The following SCUBE2 variants were observed in gnomAD, a reference collection of about 807,000 sequenced individuals.
SCUBE2 encodes the protein signal peptide, CUB and EGF-like domain-containing protein 2.
In SCUBE2, 114 loss-of-function variants were observed where a neutral mutation model predicts 125.9. That is an observed-to-expected ratio of 0.91 (90% CI 0.78 to 1.06). The LOEUF (loss-of-function observed/expected upper bound fraction) is 1.06, where lower values mean the gene tolerates loss of function less well. SCUBE2 is among the 50% of genes least tolerant of loss of function. The pLI is 0.00. For synonymous variants in SCUBE2, 459 were observed against 492.9 expected (o/e 0.93, Z 0.91); for missense variants, 1,255 against 1,301.8 (o/e 0.96, Z 0.55).
intron 3 of SCUBE2, among the ~76,000 whole-genome samples, chr11:9,075,968 T>G (rs1861184144): frequency 6.6e-6 from 1 of 152,174 alleles, no homozygotes; most frequent in Admixed American, 6.5e-5. Flanking sequence ...GAGATATGGT[T>G]GCCCCTGACC....
At chr11:9,053,885 G>A (rs1858702471) in intron 10 of SCUBE2, 126 bp from the exon 11 acceptor site, 1 of 1,205,916 alleles carries the variant, frequency 8.3e-7, no homozygotes, top group Non-Finnish European at 1.2e-6. Flanking sequence ...GGAAGACACT[G>A]AATGCCTTTA....
chr11:9,052,913 C>A, intron 12 of SCUBE2, 81 bp from the exon 13 acceptor site: 2 of 1,189,906 alleles, frequency 1.7e-6, no homozygotes, highest in Non-Finnish European at 2.4e-6. Context: ...TCCCCCCACC[C>A]CACTCCACAT....
chr11:9,090,388 C>A (rs1473693128), intron 1 of SCUBE2: 1 of 153,796 alleles, frequency 6.5e-6, no homozygotes, highest in Non-Finnish European at 1.5e-5. Flanking sequence ...CCAACACAGC[C>A]CGTGGGCTAC....
chr11:9,046,076 G>A (rs913872690), intron 16 of SCUBE2, among the ~76,000 whole-genome samples: 9 of 146,756 alleles, frequency 6.1e-5, no homozygotes, highest in South Asian at 2.1e-4. Context: ...GCACGATCTC[G>A]GCTCACTGCA....
At chr11:9,025,644 G>A (rs988580159) in intron 21 of SCUBE2, 58 bp downstream of exon 21, 7 of 1,572,506 alleles carry the variant, frequency 4.5e-6, no homozygotes, top group African/African-American at 4.1e-5. Context: ...AGCTGGCTCC[G>A]AAGTTGGCTC....
intron 16 of SCUBE2, among the ~76,000 whole-genome samples, chr11:9,039,588 C>T (rs764025241): frequency 4.6e-5 from 7 of 152,130 alleles, no homozygotes; most frequent in African/African-American, 7.2e-5. Flanking sequence ...TACTACACCT[C>T]GGGGGTTGAC....
At chr11:9,061,674 C>T (rs928146275) in intron 7 of SCUBE2, among the ~76,000 whole-genome samples, 10 of 151,486 alleles carry the variant, frequency 6.6e-5, no homozygotes, top group African/African-American at 1.9e-4. Context: ...CAAAACCTCA[C>T]GAATATGAGA....
In SCUBE2 at chr11:9,079,437, C is replaced by A. The variant is rs751243340; in HGVS notation, c.329G>T (p.Arg110Leu). 3 of 1,613,956 alleles carry A rather than the reference C, an allele frequency of 1.9e-6. No homozygotes were observed. Among genetic ancestry groups the A allele is most frequent in the Non-Finnish European group, 2.5e-6 (3 of 1,180,012 alleles). ...HDCLNIPGNY[R>L]CTCFDGFMLA... The stretch of plus-strand genomic sequence containing the variant: ...CATGAAGCCATCAAAACAAGTGCAA[C>A]GATAATTGCCTGGAATATTCAAACA... The change falls in exon 3 of 23, where the codon CGT (arginine) becomes CTT (leucine). Residue 110 changes from arginine (R) to leucine (L), a missense_variant. Arg to Leu is a moderately radical substitution (Grantham distance 102). Around this residue, in one of 3 missense-constraint regions of SCUBE2, gnomAD observed 362 missense variants for 323.0 expected, o/e 1.12. Transcript: ENST00000649792.
intron 2 of SCUBE2, among the ~76,000 whole-genome samples, chr11:9,082,555 C>G (rs1005935890): frequency 6.6e-6 from 1 of 151,570 alleles, no homozygotes; most frequent in African/African-American, 2.4e-5. Context: ...TATAATAGCC[C>G]CAAAGTAGAA....
At chr11:9,049,683 A>G (rs1184868273) in intron 14 of SCUBE2, among the ~76,000 whole-genome samples, 1 of 152,182 alleles carries the variant, frequency 6.6e-6, no homozygotes, top group Admixed American at 6.5e-5. Flanking sequence ...ACCACTACTA[A>G]TGATAGGGTG....
intron 16 of SCUBE2, among the ~76,000 whole-genome samples, chr11:9,043,705 A>G (rs1260834876): frequency 6.6e-6 from 1 of 152,222 alleles, no homozygotes; most frequent in Admixed American, 6.5e-5. Flanking sequence ...AAATAGGCAA[A>G]GAATATAGAT....
chr11:9,052,808 G>A lies in SCUBE2; in HGVS notation c.1472C>T (p.Thr491Ile), dbSNP rs774944109. ...CCTGAGAGGAGAGGAAGAGCCACAG[G>A]TGACAGAGTAGGCCCCTTGCAGTCC... ...SSGLQGAYSV[T>I]CGSSSPLRNK... Residue 491 changes from threonine to isoleucine, a missense_variant, in exon 13 of 23, where the codon ACC (threonine) becomes ATC (isoleucine). This residue lies in a region of SCUBE2 where 378 missense variants were observed against 463.1 expected (regional missense o/e 0.82). Transcript: ENST00000649792. The A allele has an allele frequency of 6.5e-7, 1 of 1,537,070 alleles. No individual in the cohort carries two copies. Among genetic ancestry groups the A allele is most frequent in the Admixed American group, 2.0e-5 (1 of 50,988 alleles).
chr11:9,030,269 A>G (rs1414305251), intron 18 of SCUBE2: 2 of 572,740 alleles, frequency 3.5e-6, no homozygotes, highest in Non-Finnish European at 6.2e-6. Context: ...GTGTATCTCC[A>G]AAGAGTTTAT....
At chr11:9,025,259 C>T (rs1207599380) in intron 21 of SCUBE2, among the ~76,000 whole-genome samples, 1 of 152,234 alleles carries the variant, frequency 6.6e-6, no homozygotes, top group Non-Finnish European at 1.5e-5. Flanking sequence ...TAATAAAAGC[C>T]ACAATCATCA....
At chr11:9,067,179 G>T (rs1213966010) in intron 5 of SCUBE2, among the ~76,000 whole-genome samples, 2 of 152,122 alleles carry the variant, frequency 1.3e-5, no homozygotes, top group Non-Finnish European at 2.9e-5. Context: ...TGGGGCTTTG[G>T]GAAATGCTAT....
At chr11:9,048,347 T>C (rs148756651) in intron 14 of SCUBE2, among the ~76,000 whole-genome samples, 1 of 152,350 alleles carries the variant, frequency 6.6e-6, no homozygotes, top group African/African-American at 2.4e-5. Flanking sequence ...AAATGGGAGA[T>C]GTTTCCGACT....
At position 9,053,545 on chromosome 11, in the gene SCUBE2, C is replaced by A. The variant is rs1346132958; in HGVS notation, c.1330+92G>T. On this transcript the variant is annotated intron_variant, in intron 11 of 22. Transcript: ENST00000649792. ...GCTGGTGGGGAAGTCAGTGGAGGGACGGTCAGGTGGGATGTGGGAGCACGC... is the reference window on the plus strand; with the variant it reads ...GCTGGTGGGGAAGTCAGTGGAGGGAAGGTCAGGTGGGATGTGGGAGCACGC... 6.2e-6 allele frequency: 9 copies of A among 1,443,068 alleles called. No homozygotes were observed. In the East Asian group the frequency reaches 2.1e-4, roughly 33 times the overall value. 89.4% of individuals were successfully genotyped at this position (1,443,068 alleles called of 1,614,324 possible).
At chr11:9,022,643 C>G (rs1855402984) in intron 21 of SCUBE2, 1 of 152,520 alleles carries the variant, frequency 6.6e-6, no homozygotes, top group Non-Finnish European at 1.5e-5. Context: ...CTGGTCACTC[C>G]TCCTCCTTGA....
chr11:9,047,668 C>G lies in SCUBE2; in HGVS notation c.1796-106G>C, dbSNP rs1010074145. 5.3e-5 allele frequency: 63 copies of G among 1,195,662 alleles called. No homozygotes were observed. In the Middle Eastern group the frequency reaches 8.0e-4, roughly 15 times the overall value. The allele number at this position is 1,195,662 out of a possible 1,614,324, so 74.1% of individuals were successfully genotyped here. ...ACCAACACCCCGAGCTCCCTGTGGA[C>G]CGAATGGGGAGAAACCTGGAGGGGG... is the stretch of plus-strand genomic sequence containing the variant. On this transcript the variant is annotated intron_variant, in intron 15 of 22. Coordinates refer to ENST00000649792, the MANE Select transcript of SCUBE2 (RefSeq NM_001367977.2).
Sources: gnomAD v4.1 joint callset for allele counts (sites outside exome capture counted in the v4.1 genomes callset) on GRCh38, gnomAD v4.1.1 for gene constraint, gnomAD v4.1.1 regional missense constraint, MANE v1.5 for transcripts, NCBI Gene and HGNC (gene_info 2026-07-23, HGNC 2026-07-21) for gene names.